The following GARIN2 variants were observed in gnomAD, a reference collection of about 807,000 sequenced individuals.
GARIN2 encodes the protein Golgi-associated RAB2 interactor protein 2.
the GARIN2 span, among the ~76,000 whole-genome samples, chr14:67,212,644 CAT>C: frequency 1.2e-3 from 166 of 142,796 alleles, 2 homozygotes; most frequent in Admixed American, 4.6e-3. Context: ...ATATATATTA[CAT>C]ATATATATAA....
the GARIN2 span, among the ~76,000 whole-genome samples, chr14:67,226,361 T>C: frequency 3.3e-5 from 5 of 151,390 alleles, no homozygotes; most frequent in Non-Finnish European, 5.9e-5. Flanking sequence ...CCAGCTAGTT[T>C]TTTTTGTTTT....
chr14:67,199,747 G>A, the GARIN2 span: 2 of 1,558,254 alleles, frequency 1.3e-6, no homozygotes, highest in African/African-American at 1.4e-5. Flanking sequence ...CATCATTGGG[G>A]TCTGGGCTTC....
chr14:67,199,438 C>T, the GARIN2 span: 1 of 1,612,928 alleles, frequency 6.2e-7, no homozygotes, highest in Non-Finnish European at 8.5e-7. Flanking sequence ...TTGGGGTCAT[C>T]TTACAAACCC....
At chr14:67,205,064 T>G in the GARIN2 span, 1 of 1,551,198 alleles carries the variant, frequency 6.4e-7, no homozygotes, top group Non-Finnish European at 8.7e-7. Context: ...AACAATGACT[T>G]AATCAGGGCC....
the GARIN2 span, among the ~76,000 whole-genome samples, chr14:67,214,750 C>T: frequency 3.9e-5 from 6 of 152,178 alleles, no homozygotes; most frequent in South Asian, 8.3e-4. Flanking sequence ...TATAAATTAC[C>T]TTGGGCAGTG....
the GARIN2 span, chr14:67,204,406 C>T: frequency 1.2e-5 from 15 of 1,292,984 alleles, no homozygotes; most frequent in South Asian, 2.1e-5. Context: ...ATCACCACTG[C>T]ACTCCAACGT....
the GARIN2 span, chr14:67,199,303 G>A: frequency 6.2e-7 from 1 of 1,608,360 alleles, no homozygotes; most frequent in Non-Finnish European, 8.5e-7. Flanking sequence ...GACTCTATGG[G>A]AAGCCAATAC....
chr14:67,216,694 T>C, the GARIN2 span, among the ~76,000 whole-genome samples: 5 of 152,328 alleles, frequency 3.3e-5, no homozygotes, highest in Admixed American at 6.5e-5. Flanking sequence ...TTAATTTTTA[T>C]GTATTGTATA....
the GARIN2 span, among the ~76,000 whole-genome samples, chr14:67,193,620 T>G: frequency 6.9e-6 from 1 of 145,946 alleles, no homozygotes; most frequent in African/African-American, 2.5e-5. Flanking sequence ...TAGATAGAAA[T>G]ATATCTATCT....
At chr14:67,199,420 C>G in the GARIN2 span, 2 of 1,613,694 alleles carry the variant, frequency 1.2e-6, no homozygotes, top group Non-Finnish European at 1.7e-6. Context: ...ATGATACTTT[C>G]AGCGCCTTTG....
chr14:67,193,200 ATC>A, the GARIN2 span, among the ~76,000 whole-genome samples: 1 of 140,308 alleles, frequency 7.1e-6, no homozygotes, highest in Non-Finnish European at 1.5e-5. Flanking sequence ...CTATCTATAT[ATC>A]TCTATATAGA....
chr14:67,221,726 A>G, the GARIN2 span: 1 of 1,602,848 alleles, frequency 6.2e-7, no homozygotes, highest in Non-Finnish European at 8.5e-7. Flanking sequence ...ATCTTTTCTA[A>G]ATATTTGTGG....
At chr14:67,225,960 T>C in the GARIN2 span, among the ~76,000 whole-genome samples, 144 of 119,788 alleles carry the variant, frequency 1.2e-3, 1 homozygote, top group African/African-American at 4.9e-3. Flanking sequence ...TGTGTGTGTG[T>C]GTGCGCGCGC....
chr14:67,221,705 A>G, the GARIN2 span: 1 of 1,579,266 alleles, frequency 6.3e-7, no homozygotes, highest in Non-Finnish European at 8.6e-7. Context: ...CGGTTATTTT[A>G]TATCTAGTAG....
the GARIN2 span, among the ~76,000 whole-genome samples, chr14:67,206,142 C>CCA: frequency 6.6e-6 from 1 of 152,020 alleles, no homozygotes; most frequent in African/African-American, 2.4e-5. Context: ...CGAGATCATG[C>CCA]CACTGCTCTG....
At chr14:67,216,015 T>C in the GARIN2 span, among the ~76,000 whole-genome samples, 1 of 152,172 alleles carries the variant, frequency 6.6e-6, no homozygotes, top group African/African-American at 2.4e-5. Flanking sequence ...GCGTGCAGTT[T>C]TAGATTTACA....
At chr14:67,221,544 C>T in the GARIN2 span, among the ~76,000 whole-genome samples, 2 of 152,202 alleles carry the variant, frequency 1.3e-5, no homozygotes, top group East Asian at 1.9e-4. Context: ...CATATTATTA[C>T]GTACAATAAA....
the GARIN2 span, chr14:67,198,382 C>G: frequency 1.4e-6 from 2 of 1,461,576 alleles, no homozygotes; most frequent in African/African-American, 2.8e-5. Context: ...TCAAAGAAAA[C>G]TGAAAAGGAT....
At chr14:67,199,888 T>A in the GARIN2 span, 46 of 1,487,024 alleles carry the variant, frequency 3.1e-5, no homozygotes, top group Non-Finnish European at 3.8e-5. Context: ...TGGCCCCCCA[T>A]CGGCAGGAAC....
Sources: allele counts gnomAD v4.1 joint callset (sites outside exome capture counted in the v4.1 genomes callset), GRCh38; gene constraint gnomAD v4.1.1; transcripts MANE v1.5; gene names NCBI Gene and HGNC (gene_info 2026-07-23, HGNC 2026-07-21).